Variants in STK31 observed in about 807,000 individuals in gnomAD.
STK31 encodes serine/threonine-protein kinase 31.
STK31 carries 89 observed loss-of-function variants against 129.7 expected under a neutral mutation model. The observed-to-expected ratio is 0.69, with a 90% confidence interval of 0.58 to 0.82. The LOEUF (loss-of-function observed/expected upper bound fraction) is 0.82, where lower values mean the gene tolerates loss of function less well. Among genes scored for constraint, STK31 ranks in the 40% least tolerant of loss-of-function variants. The pLI is 0.00. For missense variants in STK31, 1,187 were observed against 1,176.4 expected (o/e 1.01, Z -0.13); for synonymous variants, 448 against 395.3 (o/e 1.13, Z -1.58).
intron 4 of STK31, among the ~76,000 whole-genome samples, chr7:23,723,855 T>A (rs1171478915): frequency 1.3e-5 from 2 of 152,206 alleles, no homozygotes; most frequent in Non-Finnish European, 1.5e-5. Flanking sequence ...AGTACTGTTA[T>A]ACCTAGGCGA....
chr7:23,823,063 G>C (rs952094401), intron 23 of STK31, among the ~76,000 whole-genome samples: 17 of 152,166 alleles, frequency 1.1e-4, no homozygotes, highest in African/African-American at 4.1e-4. Context: ...ACGTATGTGT[G>C]CATGTGTCTT....
intron 5 of STK31, 147 bp downstream of exon 5, chr7:23,727,462 A>T: frequency 1.5e-6 from 1 of 647,774 alleles, no homozygotes; most frequent in South Asian, 2.0e-5. Flanking sequence ...TAATTGCTAA[A>T]AAACATGTTG....
intron 1 of STK31, 138 bp from the exon 2 acceptor site, chr7:23,711,961 C>T (rs972614954): frequency 2.9e-6 from 2 of 678,626 alleles, no homozygotes; most frequent in Non-Finnish European, 4.8e-6. Flanking sequence ...AAATATTGAG[C>T]TCATTTTTAA....
rs545409826 is a variant in STK31 at position 23,759,128 on chromosome 7, A to G, written c.1294-3673A>G. On this transcript the variant is annotated intron_variant, in intron 10 of 23. Transcript: ENST00000355870. ...ATGCACCCAAGGAGCACCCAGATTC[A>G]TAAAACAAGTTCTTAGAGACCTACA... 9.8e-5 allele frequency among the ~76,000 whole-genome samples: 15 copies of G among 152,384 alleles called. No homozygotes were observed. The South Asian group carries it at 2.9e-3, about 29-fold the overall frequency.
intron 22 of STK31, among the ~76,000 whole-genome samples, chr7:23,807,469 C>T (rs939996019): frequency 6.6e-6 from 1 of 152,010 alleles, no homozygotes; most frequent in African/African-American, 2.4e-5. Context: ...TAACCAGTTT[C>T]AAGATTTTTG....
intron 8 of STK31, among the ~76,000 whole-genome samples, chr7:23,740,374 A>G (rs1231298116): frequency 6.6e-6 from 1 of 152,296 alleles, no homozygotes; most frequent in African/African-American, 2.4e-5. Context: ...ATAACAGCTG[A>G]TATTCATAAT....
intron 23 of STK31, among the ~76,000 whole-genome samples, chr7:23,818,722 T>C (rs1256804582): frequency 3.3e-5 from 5 of 152,104 alleles, no homozygotes; most frequent in Non-Finnish European, 5.9e-5. Context: ...CCTCCCAGGT[T>C]CAAGTGATTC....
chr7:23,722,790 ACGCCC>A (rs1736861862), intron 4 of STK31: 1 of 146,570 alleles, frequency 6.8e-6, no homozygotes, highest in Non-Finnish European at 1.5e-5. Flanking sequence ...GCAGTGGCGG[ACGCCC>A]CTCCCCCAGC....
chr7:23,753,348 C>G (rs539882204), intron 9 of STK31, among the ~76,000 whole-genome samples: 1 of 152,184 alleles, frequency 6.6e-6, no homozygotes, highest in South Asian at 2.1e-4. Flanking sequence ...TGTATTGTCC[C>G]AGTATGAGTG....
intron 11 of STK31, 55 bp downstream of exon 11, chr7:23,762,978 T>C: frequency 7.0e-7 from 1 of 1,425,358 alleles, no homozygotes; most frequent in Non-Finnish European, 9.3e-7. Flanking sequence ...ATTTAAGAAG[T>C]GAAATTAGCA....
intron 3 of STK31, 125 bp downstream of exon 3, chr7:23,712,411 T>G (rs1786029492): frequency 2.2e-6 from 2 of 914,584 alleles, no homozygotes; most frequent in African/African-American, 3.4e-5. Flanking sequence ...TTTATTGAAT[T>G]ATTTATCACC....
chr7:23,798,367 C>T (rs1041419704), intron 22 of STK31, among the ~76,000 whole-genome samples: 1 of 151,654 alleles, frequency 6.6e-6, no homozygotes, highest in Non-Finnish European at 1.5e-5. Flanking sequence ...TACTGGCAAA[C>T]TGAATTCAGC....
chr7:23,721,890 G>A (rs6971076), intron 4 of STK31: 137,748 of 413,826 alleles, frequency 0.33, 23,892 homozygotes, highest in Admixed American at 0.45. Context: ...TTGTGCATGC[G>A]TCACGTAGTT....
intron 4 of STK31, among the ~76,000 whole-genome samples, chr7:23,718,875 T>C (rs1441228857): frequency 7.2e-5 from 11 of 152,114 alleles, no homozygotes; most frequent in Admixed American, 5.9e-4. Context: ...GTAGAATTGC[T>C]AAATTGTAGG....
chr7:23,722,360 C>G (rs561916327), intron 4 of STK31: 26 of 153,830 alleles, frequency 1.7e-4, no homozygotes, highest in African/African-American at 5.5e-4. Flanking sequence ...CACTCCAGAC[C>G]CTGTTTGCCT....
rs573454099 is a variant in STK31 at position 23,761,148 on chromosome 7, T to A, written c.1294-1653T>A. 1.3e-4 allele frequency among the ~76,000 whole-genome samples: 20 copies of A among 152,356 alleles called. No homozygotes were observed. In the South Asian group the frequency reaches 1.5e-3, roughly 11 times the overall value. Reference sequence around the variant, plus strand: ...TGTGGTTTGAGCATAGTGAAAGTATTCAGGATGGAGCTTTAGCACTTACTA... The same window carrying A: ...TGTGGTTTGAGCATAGTGAAAGTATACAGGATGGAGCTTTAGCACTTACTA... On this transcript the variant is annotated intron_variant, in intron 10 of 23. Coordinates refer to ENST00000355870, the MANE Select transcript of STK31 (RefSeq NM_031414.5).
intron 22 of STK31, among the ~76,000 whole-genome samples, chr7:23,811,916 A>G (rs1342946960): frequency 6.6e-6 from 1 of 152,204 alleles, no homozygotes; most frequent in Non-Finnish European, 1.5e-5. Context: ...ACTTTTAAAT[A>G]TCATTGTCTT....
At chr7:23,820,300 C>T (rs538331051) in intron 23 of STK31, among the ~76,000 whole-genome samples, 1 of 152,278 alleles carries the variant, frequency 6.6e-6, no homozygotes, top group African/African-American at 2.4e-5. Flanking sequence ...CCCTTTGTAT[C>T]TGTGGGTGTT....
At chr7:23,725,525 A>G (rs1479564812) in intron 4 of STK31, among the ~76,000 whole-genome samples, 1 of 152,170 alleles carries the variant, frequency 6.6e-6, no homozygotes, top group African/African-American at 2.4e-5. Flanking sequence ...CCTGGACAAC[A>G]GAGTAAAACC....
Sources: allele counts gnomAD v4.1 joint callset (sites outside exome capture counted in the v4.1 genomes callset), GRCh38; gene constraint gnomAD v4.1.1; transcripts MANE v1.5; gene names NCBI Gene and HGNC (gene_info 2026-07-23, HGNC 2026-07-21).